Variants in LDB2 observed in about 807,000 individuals in gnomAD.
LDB2 encodes LIM domain-binding protein 2.
LDB2 carries 12 observed loss-of-function variants against 44.3 expected under a neutral mutation model. The ratio of observed to expected loss-of-function variants is 0.27; its 90% CI spans 0.17 to 0.44. The LOEUF (loss-of-function observed/expected upper bound fraction) is 0.44. LDB2 is among the 20% of genes least tolerant of loss of function. The pLI is 1.00. For missense variants in LDB2, 344 were observed against 473.5 expected, an observed-to-expected ratio of 0.73 and a Z score of 2.54; for synonymous variants, 164 against 174.8, an observed-to-expected ratio of 0.94 and a Z score of 0.49.
At chr4:16,746,658 G>A (rs868797248) in intron 2 of LDB2, among the ~76,000 whole-genome samples, 4 of 152,100 alleles carry the variant, frequency 2.6e-5, no homozygotes, top group African/African-American at 7.2e-5. Flanking sequence ...ATGGTGGCAC[G>A]CGCCTGTAGT....
At chr4:16,708,558 TGAGA>T (rs1560952488) in intron 2 of LDB2, among the ~76,000 whole-genome samples, 1 of 152,136 alleles carries the variant, frequency 6.6e-6, no homozygotes, top group African/African-American at 2.4e-5. Flanking sequence ...AAATACGGCC[TGAGA>T]GAAACTTCTT....
chr4:16,799,051 C>T (rs913120352), intron 1 of LDB2, among the ~76,000 whole-genome samples: 3 of 152,142 alleles, frequency 2.0e-5, no homozygotes, highest in Non-Finnish European at 4.4e-5. Context: ...GACCGGGTTT[C>T]ACCGTGTTAG....
chr4:16,614,222 A>C (rs956688445), intron 2 of LDB2, among the ~76,000 whole-genome samples: 3 of 152,228 alleles, frequency 2.0e-5, no homozygotes, highest in Non-Finnish European at 4.4e-5. Context: ...CCTATATAGA[A>C]AACTGAAACC....
chr4:16,755,071 A>G (rs1766245442), intron 2 of LDB2, among the ~76,000 whole-genome samples: 1 of 152,130 alleles, frequency 6.6e-6, no homozygotes, highest in Admixed American at 6.5e-5. Flanking sequence ...ATTTCCTAAG[A>G]ATGTGGCCAT....
chr4:16,865,142 C>T (rs1051193100), intron 1 of LDB2, among the ~76,000 whole-genome samples: 3 of 152,058 alleles, frequency 2.0e-5, no homozygotes, highest in African/African-American at 4.8e-5. Context: ...GTCCCAGCTC[C>T]TAGGGAGGCT....
intron 1 of LDB2, among the ~76,000 whole-genome samples, chr4:16,859,082 A>G (rs1361693804): frequency 6.6e-6 from 1 of 152,214 alleles, no homozygotes; most frequent in Non-Finnish European, 1.5e-5. Flanking sequence ...TTGTTAAAGC[A>G]CTACCACCAC....
chr4:16,889,465 T>C (rs1722715317), intron 1 of LDB2: 1 of 152,196 alleles, frequency 6.6e-6, no homozygotes, highest in African/African-American at 2.4e-5. Flanking sequence ...ACTCCCTTCA[T>C]AGAAGAAATT....
intron 2 of LDB2, among the ~76,000 whole-genome samples, chr4:16,649,677 G>A (rs1446596672): frequency 6.6e-6 from 1 of 152,152 alleles, no homozygotes; most frequent in Non-Finnish European, 1.5e-5. Context: ...GGATGCCAAT[G>A]ACTGTGCCTA....
intron 2 of LDB2, among the ~76,000 whole-genome samples, chr4:16,739,874 T>A (rs1655611133): frequency 6.7e-6 from 1 of 150,312 alleles, no homozygotes; most frequent in African/African-American, 2.4e-5. Context: ...ATATGAGGGT[T>A]TTTTTTAAAC....
chr4:16,761,720 T>TA (rs1767964579), intron 1 of LDB2, among the ~76,000 whole-genome samples: 1 of 152,120 alleles, frequency 6.6e-6, no homozygotes, highest in African/African-American at 2.4e-5. Context: ...CTTCAGGAGA[T>TA]AAAATCTGCA....
chr4:16,611,422 T>C (rs186597837), intron 2 of LDB2, among the ~76,000 whole-genome samples: 80 of 151,878 alleles, frequency 5.3e-4, no homozygotes, highest in Non-Finnish European at 9.6e-4. Context: ...GACTGGCAAA[T>C]TGGATATGGA....
intron 2 of LDB2, among the ~76,000 whole-genome samples, chr4:16,660,078 T>C (rs1201882355): frequency 3.9e-5 from 6 of 152,162 alleles, no homozygotes; most frequent in Non-Finnish European, 5.9e-5. Context: ...GCTACTGGCA[T>C]CTCAGGGGTA....
At chr4:16,818,615 C>T (rs1365344641) in intron 1 of LDB2, among the ~76,000 whole-genome samples, 1 of 152,052 alleles carries the variant, frequency 6.6e-6, no homozygotes, top group Non-Finnish European at 1.5e-5. Context: ...TCTCAATGAC[C>T]ACCTACCAGG....
At chr4:16,557,952 A>G (rs1193937958) in intron 5 of LDB2, among the ~76,000 whole-genome samples, 2 of 152,248 alleles carry the variant, frequency 1.3e-5, no homozygotes, top group Non-Finnish European at 2.9e-5. Flanking sequence ...TACCCAGGCA[A>G]ACAGGGTCTG....
intron 2 of LDB2, among the ~76,000 whole-genome samples, chr4:16,683,830 G>A (rs1748542610): frequency 6.6e-6 from 1 of 152,214 alleles, no homozygotes; most frequent in African/African-American, 2.4e-5. Flanking sequence ...TTACCTTGCA[G>A]GGATGCAAAG....
At chr4:16,588,631 A>C in intron 4 of LDB2, 79 bp downstream of exon 4, 1 of 1,418,314 alleles carries the variant, frequency 7.1e-7, no homozygotes, top group Non-Finnish European at 9.8e-7. Flanking sequence ...TCACAGAGAG[A>C]GGACTGGGTT....
At chr4:16,783,894 C>T (rs1773847084) in intron 1 of LDB2, among the ~76,000 whole-genome samples, 1 of 152,038 alleles carries the variant, frequency 6.6e-6, no homozygotes, top group Non-Finnish European at 1.5e-5. Context: ...TAATTGCTTG[C>T]TTTGTGCTAG....
intron 2 of LDB2, among the ~76,000 whole-genome samples, chr4:16,719,106 A>T (rs1001706309): frequency 6.6e-6 from 1 of 151,904 alleles, no homozygotes; most frequent in African/African-American, 2.4e-5. Context: ...CCTATTTTCT[A>T]CTCAGTGGAC....
intron 1 of LDB2, among the ~76,000 whole-genome samples, chr4:16,762,698 T>G (rs1468770462): frequency 6.6e-6 from 1 of 152,130 alleles, no homozygotes; most frequent in Non-Finnish European, 1.5e-5. Context: ...AAGATGAGAT[T>G]TGGGTGGGGA....
Sources: allele counts gnomAD v4.1 joint callset (sites outside exome capture counted in the v4.1 genomes callset), GRCh38; gene constraint gnomAD v4.1.1; transcripts MANE v1.5; gene names NCBI Gene and HGNC (gene_info 2026-07-23, HGNC 2026-07-21).